The following DDX42 variants were observed in gnomAD, a reference collection of about 807,000 sequenced individuals.
DDX42 encodes the protein ATP-dependent RNA helicase DDX42.
DDX42 carries 22 observed loss-of-function variants against 101.5 expected under a neutral mutation model. The observed-to-expected ratio is 0.22, with a 90% CI of 0.15 to 0.31. The LOEUF is 0.31. DDX42 is among the 10% of genes least tolerant of loss of function. The pLI is 1.00. For synonymous variants in DDX42, 402 were observed against 401.2 expected, an observed-to-expected ratio of 1.00 and a Z score of -0.02; for missense variants, 849 against 1,199.9, an observed-to-expected ratio of 0.71 and a Z score of 4.32.
At position 63,813,437 on chromosome 17, in the gene DDX42, C is replaced by T; in HGVS notation, c.1885C>T (p.Leu629=). The T allele has an allele frequency of 6.2e-7, 1 of 1,613,966 alleles. No homozygotes were observed. The highest frequency in any genetic ancestry group is 8.5e-7 in the Non-Finnish European group (1 of 1,179,920). The change falls in exon 15 of 18, where the codon CTA becomes TTA. Residue 629 remains leucine (L), a synonymous_variant. Transcript: ENST00000389924. ...GANQHVSKEL[L]DLAMQNAWFR... Reference sequence around the variant, plus strand: ...CAATCAACACGTTTCTAAGGAACTCCTAGATCTGGCAATGCAGGTGAGGGG... The same window carrying T: ...CAATCAACACGTTTCTAAGGAACTCTTAGATCTGGCAATGCAGGTGAGGGG...
At chr17:63,810,320 A>G in intron 11 of DDX42, 193 bp from the exon 12 acceptor site, 1 of 384,128 alleles carries the variant, frequency 2.6e-6, no homozygotes, top group Non-Finnish European at 4.6e-6. Flanking sequence ...CGAACTCCTG[A>G]CCTCAAGTGA....
chr17:63,775,173 T>G (rs969965257), intron 1 of DDX42: 1 of 152,662 alleles, frequency 6.6e-6, no homozygotes, highest in African/African-American at 2.4e-5. Context: ...TTCTGGCACA[T>G]AAGAGGTGAG....
intron 2 of DDX42, among the ~76,000 whole-genome samples, chr17:63,789,563 TTG>T (rs1567733059): frequency 7.6e-5 from 3 of 39,528 alleles, no homozygotes; most frequent in African/African-American, 2.9e-4. Context: ...GTTTTTGTTT[TTG>T]TTTTTGTTTT....
intron 3 of DDX42, among the ~76,000 whole-genome samples, chr17:63,797,032 C>T (rs1398588276): frequency 6.6e-6 from 1 of 152,120 alleles, no homozygotes; most frequent in Non-Finnish European, 1.5e-5. Context: ...TTTAACTCTT[C>T]TGACCTTGAT....
At chr17:63,812,577 A>T (rs1421327400) in intron 14 of DDX42, among the ~76,000 whole-genome samples, 1 of 152,250 alleles carries the variant, frequency 6.6e-6, no homozygotes, top group Non-Finnish European at 1.5e-5. Flanking sequence ...TTTTTGGAAT[A>T]TAATTTCTGG....
At position 63,787,132 on chromosome 17, in the gene DDX42, A is replaced by G. The variant is rs750408943; in HGVS notation, c.83A>G (p.Glu28Gly). 1 of 1,614,044 alleles carries G rather than the reference A, an allele frequency of 6.2e-7. No individual in the cohort carries two copies. Among genetic ancestry groups the G allele is most frequent in the Non-Finnish European group, 8.5e-7 (1 of 1,180,050 alleles). Residue 28 changes from glutamate to glycine, a missense_variant, in exon 2 of 18, where the codon GAA becomes GGA. Glu to Gly is a moderately conservative substitution (Grantham distance 98, BLOSUM62 -2). Transcript: ENST00000389924. Reference protein sequence around the residue: ...GFAISAGKKEEPKLPQQSHSA... With the variant: ...GFAISAGKKEGPKLPQQSHSA... ...GCCATCAGTGCTGGGAAAAAGGAGG[A>G]ACCCAAACTCCCACAGCAGTCCCAC...
chr17:63,775,078 A>G (rs1301853065), intron 1 of DDX42: 2 of 152,510 alleles, frequency 1.3e-5, no homozygotes, highest in African/African-American at 2.4e-5. Flanking sequence ...TGATGTTTCT[A>G]TGTCTGTCCT....
At position 63,811,153 on chromosome 17, in the gene DDX42, G is replaced by A; in HGVS notation, c.1378G>A (p.Val460Met). 1.9e-6 allele frequency: 3 copies of A among 1,613,998 alleles called. No homozygotes were observed. The highest frequency in any genetic ancestry group is 2.5e-6 in the Non-Finnish European group (3 of 1,179,966). Residue 460 changes from valine (V) to methionine (M), a missense_variant, in exon 13 of 18, where the codon GTG becomes ATG. Val to Met is a conservative substitution (Grantham distance 21). Transcript: ENST00000389924. Reference protein sequence around the residue: ...RDILIDPIRVVQGDIGEANED... With the variant: ...RDILIDPIRVMQGDIGEANED... Reference sequence around the variant, plus strand: ...CATCCTGATCGACCCTATTCGAGTGGTGCAGGGAGATATTGGAGAGGTAAC... The same window carrying A: ...CATCCTGATCGACCCTATTCGAGTGATGCAGGGAGATATTGGAGAGGTAAC...
rs1158376651 is a variant in DDX42, at chr17:63,774,213, T to C, written c.-180T>C. ...GCAACGGGCCGTGAGGCGGTGGCGG[T>C]GGTGGCGGTGGCGGCGGCGGTGGTG... On this transcript the variant is annotated 5_prime_UTR_variant, in exon 1 of 18. Transcript: ENST00000389924. 1.9e-3 allele frequency: 493 copies of C among 253,650 alleles called. 108 individuals carry two copies. Among genetic ancestry groups the C allele is most frequent in the Non-Finnish European group, 2.8e-3 (409 of 146,958 alleles). The allele number at this position is 253,650 out of a possible 1,614,324, so 15.7% of individuals were successfully genotyped here.
intron 3 of DDX42, among the ~76,000 whole-genome samples, chr17:63,794,058 A>T (rs2039662302): frequency 6.6e-6 from 1 of 151,908 alleles, no homozygotes; most frequent in Non-Finnish European, 1.5e-5. Context: ...ATTGGCCAAA[A>T]TCTGTCAATC....
chr17:63,798,334 G>T (rs147394847), intron 4 of DDX42: 144 of 369,546 alleles, frequency 3.9e-4, no homozygotes, highest in African/African-American at 2.7e-3. Context: ...ACTATAAATA[G>T]TTGTTTAGTA....
At chr17:63,798,207 T>A (rs776325605) in intron 4 of DDX42, 108 bp downstream of exon 4, 26 of 950,306 alleles carry the variant, frequency 2.7e-5, no homozygotes, top group Non-Finnish European at 3.9e-5. Flanking sequence ...TACACTTGTG[T>A]ACTTTACTTG....
intron 14 of DDX42, 43 bp from the exon 15 acceptor site, chr17:63,813,185 C>G (rs2039933482): frequency 6.5e-7 from 1 of 1,532,064 alleles, no homozygotes; most frequent in African/African-American, 1.4e-5. Context: ...GATCTTCTGA[C>G]TACAGATGAA....
intron 3 of DDX42, among the ~76,000 whole-genome samples, chr17:63,795,091 G>A (rs776287466): frequency 5.9e-5 from 9 of 152,132 alleles, no homozygotes; most frequent in Non-Finnish European, 1.3e-4. Context: ...GTTTGGCCTA[G>A]ACATTGCTTT....
chr17:63,793,058 C>A (rs1223329383), intron 3 of DDX42, among the ~76,000 whole-genome samples: 2 of 151,874 alleles, frequency 1.3e-5, no homozygotes, highest in Non-Finnish European at 2.9e-5. Flanking sequence ...TGTTATTTTC[C>A]TTTTTCATCT....
Position 63,818,480 on chromosome 17 carries a change from G to A in DDX42, c.*82G>A. On this transcript the variant is annotated 3_prime_UTR_variant, in exon 18 of 18. Coordinates refer to ENST00000389924, the MANE Select transcript of DDX42 (RefSeq NM_203499.3). ...AACTAGGTGTCTCAGGGCTGGGTTG[G>A]GGTCCAAAGTGTAAGGACCCCCTGC... The A allele has an allele frequency of 3.6e-6, 5 of 1,371,588 alleles. No individual in the cohort carries two copies. The highest frequency in any genetic ancestry group is 2.4e-5 in the Admixed American group (1 of 42,516). The allele number at this position is 1,371,588 out of a possible 1,614,324, so 85.0% of individuals were successfully genotyped here.
intron 1 of DDX42, 94 bp from the exon 2 acceptor site, chr17:63,786,940 T>A: frequency 4.7e-6 from 6 of 1,281,322 alleles, no homozygotes; most frequent in Non-Finnish European, 6.6e-6. Context: ...CCTCCCAAAG[T>A]GCTGGGATTA....
At chr17:63,812,664 C>T (rs755445743) in intron 14 of DDX42, among the ~76,000 whole-genome samples, 4 of 152,178 alleles carry the variant, frequency 2.6e-5, no homozygotes, top group Non-Finnish European at 5.9e-5. Context: ...TTCTCAGCTT[C>T]ATGACACATT....
intron 1 of DDX42, among the ~76,000 whole-genome samples, chr17:63,781,991 C>T (rs545349344): frequency 6.6e-6 from 1 of 151,518 alleles, no homozygotes; most frequent in Non-Finnish European, 1.5e-5. Flanking sequence ...GCCTGGGCGA[C>T]AGAGTGAGAC....
Sources: gnomAD v4.1 joint callset for allele counts (sites outside exome capture counted in the v4.1 genomes callset) on GRCh38, gnomAD v4.1.1 for gene constraint, MANE v1.5 for transcripts, NCBI Gene and HGNC (gene_info 2026-07-23, HGNC 2026-07-21) for gene names.